The following FOXO3 variants were observed in gnomAD, a reference collection of about 807,000 sequenced individuals.
FOXO3 encodes forkhead box protein O3.
In FOXO3, 4 loss-of-function variants were observed where a neutral mutation model predicts 41.9. The ratio of observed to expected loss-of-function variants is 0.10; its 90% CI spans 0.05 to 0.22. The LOEUF is 0.22. Among genes scored for constraint, FOXO3 ranks in the 10% least tolerant of loss-of-function variants. The pLI is 1.00. For missense variants in FOXO3, 534 were observed against 906.8 expected (o/e 0.59, Z 5.28); for synonymous variants, 318 against 389.3 (o/e 0.82, Z 2.16).
intron 1 of FOXO3, among the ~76,000 whole-genome samples, chr6:108,614,550 T>A (rs1777441861): frequency 6.6e-6 from 1 of 152,152 alleles, no homozygotes; most frequent in Admixed American, 6.5e-5. Flanking sequence ...AGCTTTCTTT[T>A]GACTACTGTT....
At chr6:108,645,454 A>G (rs2128380731) in intron 1 of FOXO3, among the ~76,000 whole-genome samples, 1 of 147,510 alleles carries the variant, frequency 6.8e-6, no homozygotes, top group African/African-American at 2.6e-5. Flanking sequence ...AATCCCCAGA[A>G]TTGCTTTTTT....
chr6:108,574,876 A>T (rs1235778146), intron 1 of FOXO3, among the ~76,000 whole-genome samples: 2 of 152,178 alleles, frequency 1.3e-5, no homozygotes, highest in East Asian at 3.9e-4. Context: ...CATAGTAAAG[A>T]TAGGTAAGTA....
At chr6:108,622,256 C>CAAAAA (rs984779744) in intron 1 of FOXO3, among the ~76,000 whole-genome samples, 3 of 48,480 alleles carry the variant, frequency 6.2e-5, no homozygotes, top group African/African-American at 1.4e-4. Context: ...AAGACTGTCT[C>CAAAAA]AAAAAAAAAA....
At chr6:108,614,712 G>T (rs4317448) in intron 1 of FOXO3, among the ~76,000 whole-genome samples, 31,266 of 149,162 alleles carry the variant, frequency 0.21, 3,519 homozygotes, top group Middle Eastern at 0.35. Context: ...TGATGTTTTG[G>T]TTTTTTTTTG....
chr6:108,566,513 G>A (rs2128355633), intron 1 of FOXO3, among the ~76,000 whole-genome samples: 1 of 152,226 alleles, frequency 6.6e-6, no homozygotes, highest in South Asian at 2.1e-4. Flanking sequence ...AGATAAGGCT[G>A]TTTAGGCTTG....
intron 1 of FOXO3, among the ~76,000 whole-genome samples, chr6:108,591,440 A>T (rs73763148): frequency 6.6e-6 from 1 of 151,932 alleles, no homozygotes. Context: ...GGGAAATCTC[A>T]TTACATCCTT....
rs570045708 is a variant in FOXO3 at position 108,626,988 on chromosome 6, T to G, written c.622-36467T>G. Among the ~76,000 whole-genome samples the G allele has an allele frequency of 1.4e-4, 22 of 152,304 alleles. No individual in the cohort carries two copies. In the East Asian group the frequency reaches 4.1e-3, roughly 28 times the overall value. On this transcript the variant is annotated intron_variant, in intron 1 of 2. Coordinates refer to ENST00000406360, the MANE Select transcript of FOXO3 (RefSeq NM_001455.4). ...CCCTCTCATGTGCTGACATACTGAT[T>G]GATGGTGGCTTCTAAGGTCTCTCCT...
intron 1 of FOXO3, among the ~76,000 whole-genome samples, chr6:108,595,945 A>C (rs1221467761): frequency 6.6e-6 from 1 of 152,208 alleles, no homozygotes; most frequent in Admixed American, 6.5e-5. Flanking sequence ...AGTAAGAAAT[A>C]TTTTAATGGT....
Position 108,663,630 on chromosome 6 carries a change from G to A in FOXO3, c.797G>A (p.Arg266His). ...NSNKYTKSRG[R>H]AAKKKAALQT... is the part of the protein sequence containing the mutation. ...AACAAGTATACCAAGAGCCGTGGCC[G>A]CGCAGCCAAGAAGAAGGCAGCCCTG... The change falls in exon 2 of 3, where the codon CGC becomes CAC. Residue 266 changes from arginine to histidine, a missense_variant. Transcript: ENST00000406360. 6 of 1,613,404 alleles carry A rather than the reference G, an allele frequency of 3.7e-6. No homozygotes were observed. The highest frequency in any genetic ancestry group is 1.1e-5 in the South Asian group (1 of 91,022).
intron 1 of FOXO3, among the ~76,000 whole-genome samples, chr6:108,653,793 A>G (rs968107118): frequency 6.6e-6 from 1 of 152,238 alleles, no homozygotes; most frequent in African/African-American, 2.4e-5. Flanking sequence ...TATTTTGTTT[A>G]AGCTAAGTGA....
intron 1 of FOXO3, among the ~76,000 whole-genome samples, chr6:108,577,202 T>TAA (rs56992760): frequency 1.8e-4 from 27 of 150,838 alleles, no homozygotes; most frequent in Middle Eastern, 3.4e-3. Flanking sequence ...GTAACTCTTC[T>TAA]AAAAAAAAAT....
intron 1 of FOXO3, among the ~76,000 whole-genome samples, chr6:108,659,586 T>C (rs1036953875): frequency 5.9e-5 from 9 of 152,142 alleles, no homozygotes; most frequent in African/African-American, 2.2e-4. Context: ...TTAGAGACGA[T>C]GAATCTAAAA....
At chr6:108,571,290 T>C (rs945715033) in intron 1 of FOXO3, among the ~76,000 whole-genome samples, 2 of 152,194 alleles carry the variant, frequency 1.3e-5, no homozygotes, top group African/African-American at 4.8e-5. Context: ...TTTGAACTTT[T>C]TGTAATTCTG....
At chr6:108,616,457 C>T (rs934662349) in intron 1 of FOXO3, among the ~76,000 whole-genome samples, 5 of 151,986 alleles carry the variant, frequency 3.3e-5, no homozygotes, top group South Asian at 2.1e-4. Context: ...CCACCACACC[C>T]GGCCAATGTT....
At chr6:108,613,556 A>G (rs1326199514) in intron 1 of FOXO3, among the ~76,000 whole-genome samples, 1 of 152,152 alleles carries the variant, frequency 6.6e-6, no homozygotes, top group Non-Finnish European at 1.5e-5. Flanking sequence ...CTTTTAATAG[A>G]TATATCATCT....
chr6:108,577,857 A>T (rs58624519), intron 1 of FOXO3, among the ~76,000 whole-genome samples: 122 of 152,320 alleles, frequency 8.0e-4, no homozygotes, highest in African/African-American at 2.8e-3. Context: ...CATTATTATC[A>T]CTTAACAAAC....
chr6:108,664,179 A>G lies in FOXO3; in HGVS notation c.1346A>G (p.Gln449Arg). 1 of 1,613,722 alleles carries G rather than the reference A, an allele frequency of 6.2e-7. No homozygotes were observed. The part of the protein sequence containing the change: ...SLNSLRQSPM[Q>R]TIQENKPATF... The stretch of plus-strand genomic sequence containing the variant: ...AACTCCCTACGCCAGTCTCCCATGC[A>G]GACCATCCAAGAGAACAAGCCAGCT... Residue 449 changes from glutamine to arginine, a missense_variant, in exon 2 of 3, where the codon CAG (glutamine) becomes CGG (arginine). Gln to Arg is a conservative substitution (Grantham distance 43, BLOSUM62 1). Coordinates refer to ENST00000406360, the MANE Select transcript of FOXO3 (RefSeq NM_001455.4).
At chr6:108,663,410 T>G in intron 1 of FOXO3, 45 bp from the exon 2 acceptor site, 1 of 1,538,960 alleles carries the variant, frequency 6.5e-7, no homozygotes, top group Non-Finnish European at 8.7e-7. Flanking sequence ...TGCTCGGTTT[T>G]GGACCATTCT....
intron 1 of FOXO3, chr6:108,618,118 C>T (rs1777567363): frequency 4.9e-6 from 4 of 820,878 alleles, no homozygotes; most frequent in Non-Finnish European, 8.6e-6. Flanking sequence ...AGAGTCTGAT[C>T]TGCCTCATGG....
Sources: gnomAD v4.1 joint callset for allele counts (sites outside exome capture counted in the v4.1 genomes callset) on GRCh38, gnomAD v4.1.1 for gene constraint, MANE v1.5 for transcripts, NCBI Gene and HGNC (gene_info 2026-07-23, HGNC 2026-07-21) for gene names.